SLC17A7: variants seen among roughly 807,000 people sequenced by gnomAD.
SLC17A7 encodes solute carrier family 17 member 7, also known as vesicular glutamate transporter 1.
A neutral mutation model predicts 59.1 loss-of-function variants in SLC17A7; 15 were observed. The observed-to-expected ratio is 0.25, with a 90% CI of 0.17 to 0.39. The LOEUF (loss-of-function observed/expected upper bound fraction) is 0.39, where lower values mean the gene tolerates loss of function less well. Ranked by LOEUF, SLC17A7 falls within the 10% of genes least tolerant of loss-of-function variation. The pLI, the probability that SLC17A7 is intolerant of heterozygous loss-of-function variation, is 1.00. For synonymous variants in SLC17A7, 353 were observed against 308.9 expected, an observed-to-expected ratio of 1.14 and a Z score of -1.50; for missense variants, 499 against 765.1, an observed-to-expected ratio of 0.65 and a Z score of 4.10.
intron 1 of SLC17A7, among the ~76,000 whole-genome samples, chr19:49,439,044 G>A (rs1158698311): frequency 6.6e-6 from 1 of 152,092 alleles, no homozygotes; most frequent in African/African-American, 2.4e-5. Context: ...ACAGAGAAGG[G>A]AGACCCTAGA....
rs777718517 is a variant in SLC17A7 at position 49,433,946 on chromosome 19, T to A, written c.724+14A>T. ...CCCCAGCGCCACCCGGAACCAGGCA[T>A]CCGGGTCCCTCACCGTAGACGTAGA... On this transcript the variant is annotated intron_variant, in intron 6 of 11. Transcript: ENST00000221485. The surrounding 1 kb of genome is among the most constrained non-coding windows in gnomAD (Gnocchi z 5.7). The A allele has an allele frequency of 3.1e-6, 5 of 1,613,132 alleles. No individual in the cohort carries two copies. The highest frequency in any genetic ancestry group is 4.2e-6 in the Non-Finnish European group (5 of 1,179,800).
chr19:49,435,499 A>G, intron 2 of SLC17A7: 1 of 497,686 alleles, frequency 2.0e-6, no homozygotes, highest in South Asian at 2.6e-5. Context: ...CTGCCTTAAC[A>G]ACAGAGTCCA....
chr19:49,438,513 G>A (rs1005076014), intron 1 of SLC17A7, among the ~76,000 whole-genome samples: 3 of 151,982 alleles, frequency 2.0e-5, no homozygotes, highest in Non-Finnish European at 4.4e-5. Context: ...GGAGGGAGGT[G>A]GAAGAGCTGT....
At chr19:49,439,777 G>A (rs971134075) in intron 1 of SLC17A7, among the ~76,000 whole-genome samples, 6 of 152,174 alleles carry the variant, frequency 3.9e-5, no homozygotes, top group Non-Finnish European at 1.5e-5. Context: ...GGGGTCTCTG[G>A]GGACCCAAGA....
In SLC17A7 at chr19:49,432,502, G is replaced by A; in HGVS notation, c.1150+17C>T. On this transcript the variant is annotated intron_variant, in intron 9 of 11. Coordinates refer to ENST00000221485, the MANE Select transcript of SLC17A7 (RefSeq NM_020309.4). ...CCCAGGCTGTCCTAGAGCCGGCCCA[G>A]GCCCCGCCCCACTCACCTCCGCAGT... 1 of 1,609,398 alleles carries A rather than the reference G, an allele frequency of 6.2e-7. No individual in the cohort carries two copies. Among genetic ancestry groups the A allele is most frequent in the Non-Finnish European group, 8.5e-7 (1 of 1,177,538 alleles).
rs1241485037 is a variant in SLC17A7, at chr19:49,432,817, G to C, written c.1011C>G (p.Ile337Met). ...AYFEEVFGFEISKVGLVSALP... is the reference protein window; with the variant it reads ...AYFEEVFGFEMSKVGLVSALP... ...CTCTCCTCCTGGGCTCTACCTTGCTGATCTCGAAGCCGAACACTTCTTCGA... is the reference window on the plus strand; with the variant it reads ...CTCTCCTCCTGGGCTCTACCTTGCTCATCTCGAAGCCGAACACTTCTTCGA... The change falls in exon 8 of 12, where the codon ATC (isoleucine) becomes ATG (methionine). Residue 337 changes from isoleucine to methionine, a missense_variant. Transcript: ENST00000221485. 8.2e-6 allele frequency: 13 copies of C among 1,589,258 alleles called. No individual in the cohort carries two copies. Among genetic ancestry groups the C allele is most frequent in the Non-Finnish European group, 1.1e-5 (13 of 1,167,620 alleles).
Position 49,430,413 on chromosome 19 carries a change from G to T in SLC17A7, c.*106C>A. ...GGGAACAAGGGAGAGTGCTTCTTAG[G>T]CCTGAGGCAGGACAGAGAGGAGCAG... On this transcript the variant is annotated 3_prime_UTR_variant, in exon 12 of 12. Transcript: ENST00000221485. 1.3e-6 allele frequency: 1 copy of T among 793,446 alleles called. No homozygotes were observed. 49.2% of individuals were successfully genotyped at this position (793,446 alleles called of 1,614,324 possible).
chr19:49,432,673 GAC>G, intron 8 of SLC17A7, 22 bp from the exon 9 acceptor site: 1 of 1,609,472 alleles, frequency 6.2e-7, no homozygotes, highest in Non-Finnish European at 8.5e-7. Context: ...GGTGTACAGG[GAC>G]ACTAGGGTTC....
Position 49,436,783 on chromosome 19 carries a change from C to T in SLC17A7, c.81G>A (p.Gln27=). 2 of 1,603,164 alleles carry T rather than the reference C, an allele frequency of 1.2e-6. No individual in the cohort carries two copies. The highest frequency in any genetic ancestry group is 1.7e-6 in the Non-Finnish European group (2 of 1,179,738). ...TCAGCTCCAGCGTCTCCGCGCCTTC[C>T]TGCCGCTTCTCCAGAAGGCTGCGGG... The part of the protein sequence containing the change: ...GKLHRLLEKR[Q]EGAETLELSA... Residue 27 remains glutamine (Q), a synonymous_variant, in exon 2 of 12, where the codon CAG becomes CAA. Transcript: ENST00000221485. The surrounding 1 kb of genome is among the most constrained non-coding windows in gnomAD (Gnocchi z 4.1).
chr19:49,441,463 TCCCGGGGTCCAG>T lies in SLC17A7; in HGVS notation c.-96_-85del, dbSNP rs1227733957. 4 of 1,045,674 alleles carry T rather than the reference TCCCGGGGTCCAG, an allele frequency of 3.8e-6. No homozygotes were observed. Among genetic ancestry groups the T allele is most frequent in the Non-Finnish European group, 4.5e-6 (4 of 895,404 alleles). 64.8% of individuals were successfully genotyped at this position (1,045,674 alleles called of 1,614,324 possible). A position where few individuals can be genotyped will look rare whatever the true frequency, so the allele number is the denominator to read the frequency against. ...CGGGCCCGGGCGGCCGCGTCCGGGT[TCCCGGGGTCCAG>T]CCCCGGCCCGGCCGGCCCCGCAGCT... On this transcript the variant is annotated 5_prime_UTR_variant, in exon 1 of 12. Transcript: ENST00000221485.
intron 1 of SLC17A7, among the ~76,000 whole-genome samples, chr19:49,440,604 G>A (rs2078996551): frequency 6.6e-6 from 1 of 152,170 alleles, no homozygotes; most frequent in Admixed American, 6.5e-5. Context: ...CCAGGGTGCT[G>A]TGACTTCTTC....
Position 49,435,151 on chromosome 19 carries a change from A to G in SLC17A7, c.434+17T>C. The G allele has an allele frequency of 2.5e-6, 4 of 1,578,686 alleles. No individual in the cohort carries two copies. The highest frequency in any genetic ancestry group is 3.5e-6 in the Non-Finnish European group (4 of 1,148,088). On this transcript the variant is annotated intron_variant, in intron 3 of 11. Coordinates refer to ENST00000221485, the MANE Select transcript of SLC17A7 (RefSeq NM_020309.4). ...ACAACTGTAGTTACCGCCCACTTTGAGACCCCACCACTGTACCTGTTGGCT... is the reference window on the plus strand; with the variant it reads ...ACAACTGTAGTTACCGCCCACTTTGGGACCCCACCACTGTACCTGTTGGCT...
At position 49,430,507 on chromosome 19, in the gene SLC17A7, G is replaced by A. The variant is rs777004927; in HGVS notation, c.*12C>T. ...AGGTCCTGGAAACTGCCATTCAGTG[G>A]GAGGCACATGGTCAGTAGTCCCGGA... On this transcript the variant is annotated 3_prime_UTR_variant, in exon 12 of 12. Coordinates refer to ENST00000221485, the MANE Select transcript of SLC17A7 (RefSeq NM_020309.4). 3.9e-6 allele frequency: 6 copies of A among 1,547,124 alleles called. No individual in the cohort carries two copies. The highest frequency in any genetic ancestry group is 5.2e-6 in the Non-Finnish European group (6 of 1,144,892).
chr19:49,432,383 C>T (rs1232202722), intron 9 of SLC17A7, 136 bp downstream of exon 9: 2 of 1,244,062 alleles, frequency 1.6e-6, no homozygotes, highest in Non-Finnish European at 2.2e-6. Flanking sequence ...CCCTGTTGGC[C>T]ACGGCCCTTT....
In SLC17A7 at chr19:49,431,295, G is replaced by A. The variant is rs768950536; in HGVS notation, c.1261+43C>T. 1.2e-6 allele frequency: 2 copies of A among 1,606,592 alleles called. No homozygotes were observed. Among genetic ancestry groups the A allele is most frequent in the Non-Finnish European group, 1.7e-6 (2 of 1,174,490 alleles). On this transcript the variant is annotated intron_variant, in intron 10 of 11. Transcript: ENST00000221485. The surrounding 1 kb of genome is among the most constrained non-coding windows in gnomAD (Gnocchi z 4.6). ...TTCCTGAGCCAGGAAGTTCCCTACA[G>A]AGCTGACCAGAGTCCCCCAAGCTGC...
At chr19:49,439,907 C>T (rs765564872) in intron 1 of SLC17A7, among the ~76,000 whole-genome samples, 5 of 147,530 alleles carry the variant, frequency 3.4e-5, no homozygotes, top group Non-Finnish European at 5.9e-5. Context: ...TGCCACCCCC[C>T]AGCCCCCTCC....
At position 49,433,759 on chromosome 19, in the gene SLC17A7, G is replaced by T. The variant is rs773049247; in HGVS notation, c.834C>A (p.Ile278=). 2 of 1,614,096 alleles carry T rather than the reference G, an allele frequency of 1.2e-6. No homozygotes were observed. Among genetic ancestry groups the T allele is most frequent in the East Asian group, 4.5e-5 (2 of 44,866 alleles). The change falls in exon 7 of 12, where the codon ATC becomes ATA. Residue 278 remains isoleucine (I), a synonymous_variant. Transcript: ENST00000221485. The surrounding 1 kb of genome is among the most constrained non-coding windows in gnomAD (Gnocchi z 5.7). ...GGTTCATGAGTTTCGCGCTCTCTCC[G>T]ATGGCGTCCTCGATGTACTTGCGCT... ...EEERKYIEDA[I]GESAKLMNPL...
chr19:49,433,208 G>A lies in SLC17A7; in HGVS notation c.868-248C>T. ...AGCCTCTCAGGTCCGCAGGTGTCCG[G>A]GCCCCTCAGGGACCTGTCTTTTTCT... On this transcript the variant is annotated intron_variant, in intron 7 of 11. Coordinates refer to ENST00000221485, the MANE Select transcript of SLC17A7 (RefSeq NM_020309.4). This position sits in a 1 kb window ranked among gnomAD's most constrained non-coding sequence, Gnocchi z 5.7. 7.2e-6 allele frequency: 4 copies of A among 552,164 alleles called. No individual in the cohort carries two copies. In the Admixed American group the frequency reaches 1.4e-4, roughly 20 times the overall value. The allele number at this position is 552,164 out of a possible 1,614,324, so 34.2% of individuals were successfully genotyped here. A position where few individuals can be genotyped will look rare whatever the true frequency, so the allele number is the denominator to read the frequency against.
In SLC17A7 at chr19:49,436,881, A is replaced by C; in HGVS notation, c.63-80T>G. ...CCCCAAGACCAGGATCCAGGGCAAA[A>C]CCTGCTTTTCAACATCCAGAATTCT... On this transcript the variant is annotated intron_variant, in intron 1 of 11. Coordinates refer to ENST00000221485, the MANE Select transcript of SLC17A7 (RefSeq NM_020309.4). The surrounding 1 kb of genome is among the most constrained non-coding windows in gnomAD (Gnocchi z 4.1). 1 of 1,511,206 alleles carries C rather than the reference A, an allele frequency of 6.6e-7. No homozygotes were observed. The highest frequency in any genetic ancestry group is 8.8e-7 in the Non-Finnish European group (1 of 1,136,386). The allele number at this position is 1,511,206 out of a possible 1,614,324, so 93.6% of individuals were successfully genotyped here.
Sources: allele counts gnomAD v4.1 joint callset (sites outside exome capture counted in the v4.1 genomes callset), GRCh38; gene constraint gnomAD v4.1.1; non-coding constraint Gnocchi (gnomAD v3.1); transcripts MANE v1.5; gene names NCBI Gene and HGNC (gene_info 2026-07-23, HGNC 2026-07-21).